The following ARL15 variants were observed in gnomAD, a reference collection of about 807,000 sequenced individuals.
The protein encoded by ARL15 is ADP-ribosylation factor-like protein 15.
Under a neutral mutation model 25.2 loss-of-function variants are expected in ARL15, and 19 were observed. The observed-to-expected ratio is 0.75, with a 90% CI of 0.53 to 1.10. The LOEUF is 1.10. Ranked by LOEUF, ARL15 falls within the 50% of genes least tolerant of loss-of-function variation. ARL15 has a pLI of 0.00. For missense variants in ARL15, 220 were observed against 246.0 expected (o/e 0.89, Z 0.71); for synonymous variants, 94 against 86.8 (o/e 1.08, Z -0.46).
chr5:54,008,930 A>G (rs1158366985), intron 4 of ARL15, among the ~76,000 whole-genome samples: 1 of 152,202 alleles, frequency 6.6e-6, no homozygotes, highest in Admixed American at 6.5e-5. Flanking sequence ...GAGGTCCAAG[A>G]AACTATTTTA....
chr5:53,998,994 T>C (rs1006797565), intron 4 of ARL15, among the ~76,000 whole-genome samples: 1 of 152,084 alleles, frequency 6.6e-6, no homozygotes, highest in Non-Finnish European at 1.5e-5. Flanking sequence ...CATTGGTGCA[T>C]TCACATTAAG....
intron 1 of ARL15, among the ~76,000 whole-genome samples, chr5:54,196,307 CT>C (rs1282024478): frequency 2.6e-5 from 4 of 152,052 alleles, no homozygotes; most frequent in Admixed American, 2.6e-4. Context: ...TAGGCTGCAG[CT>C]TTTTCCACTA....
chr5:53,891,123 C>T (rs987651472), intron 4 of ARL15, among the ~76,000 whole-genome samples: 6 of 152,122 alleles, frequency 3.9e-5, no homozygotes, highest in African/African-American at 1.4e-4. Context: ...TAAAAATCTG[C>T]AAACTTCATT....
At chr5:53,934,630 T>C (rs996088298) in intron 4 of ARL15, among the ~76,000 whole-genome samples, 5 of 152,204 alleles carry the variant, frequency 3.3e-5, no homozygotes, top group Admixed American at 6.5e-5. Context: ...CATCTATTAA[T>C]AGAATAATGC....
chr5:54,119,145 A>G (rs1311972493), intron 3 of ARL15, among the ~76,000 whole-genome samples: 1 of 152,154 alleles, frequency 6.6e-6, no homozygotes, highest in East Asian at 1.9e-4. Context: ...GCACAGCTCC[A>G]GTTAAATTAC....
At chr5:54,211,719 G>T (rs976989994) in intron 1 of ARL15, among the ~76,000 whole-genome samples, 1 of 151,972 alleles carries the variant, frequency 6.6e-6, no homozygotes, top group Non-Finnish European at 1.5e-5. Flanking sequence ...TGATCCGACC[G>T]CCTCAGTCTC....
chr5:54,029,789 C>A (rs1000600453), intron 4 of ARL15, among the ~76,000 whole-genome samples: 13 of 151,994 alleles, frequency 8.6e-5, no homozygotes, highest in Admixed American at 8.5e-4. Flanking sequence ...GTCAGGAGAT[C>A]GAGACCATCC....
chr5:54,017,340 G>A (rs547467951), intron 4 of ARL15, among the ~76,000 whole-genome samples: 3 of 152,098 alleles, frequency 2.0e-5, no homozygotes, highest in African/African-American at 4.8e-5. Context: ...ATGTGCTTTG[G>A]TGTTTTCAGC....
At chr5:54,261,375 A>C (rs140291628) in intron 1 of ARL15, among the ~76,000 whole-genome samples, 1 of 152,186 alleles carries the variant, frequency 6.6e-6, no homozygotes, top group Non-Finnish European at 1.5e-5. Context: ...ACCCGGCTCA[A>C]ATATATTAAG....
At chr5:54,282,497 A>T (rs1758083319) in intron 1 of ARL15, 2 of 985,312 alleles carry the variant, frequency 2.0e-6, no homozygotes, top group Non-Finnish European at 2.4e-6. Context: ...TAGCTCAAAG[A>T]CAGGGATAAT....
chr5:54,083,564 C>G (rs1207750209), intron 4 of ARL15, among the ~76,000 whole-genome samples: 2 of 152,010 alleles, frequency 1.3e-5, no homozygotes, highest in Non-Finnish European at 2.9e-5. Context: ...GAAAATATCA[C>G]CAATTAACTA....
At chr5:54,008,983 T>C (rs1749141124) in intron 4 of ARL15, among the ~76,000 whole-genome samples, 1 of 152,178 alleles carries the variant, frequency 6.6e-6, no homozygotes, top group Non-Finnish European at 1.5e-5. Flanking sequence ...ATTTCTATGT[T>C]CATTATTTTA....
intron 1 of ARL15, among the ~76,000 whole-genome samples, chr5:54,262,893 C>G (rs963276654): frequency 6.6e-6 from 1 of 152,058 alleles, no homozygotes; most frequent in African/African-American, 2.4e-5. Context: ...GTTTGCCGGG[C>G]ACTGGCAACA....
At chr5:53,937,944 A>G (rs1746405547) in intron 4 of ARL15, among the ~76,000 whole-genome samples, 1 of 152,164 alleles carries the variant, frequency 6.6e-6, no homozygotes, top group South Asian at 2.1e-4. Context: ...ACTCTGGGGT[A>G]AACAATTTCC....
intron 3 of ARL15, among the ~76,000 whole-genome samples, chr5:54,143,686 C>T (rs756668307): frequency 2.0e-4 from 31 of 151,266 alleles, no homozygotes; most frequent in Non-Finnish European, 2.4e-4. Flanking sequence ...TTTGTCCTTA[C>T]AGTACATTTC....
At chr5:54,290,423 C>T (rs898568992) in intron 1 of ARL15, among the ~76,000 whole-genome samples, 3 of 151,762 alleles carry the variant, frequency 2.0e-5, no homozygotes, top group Non-Finnish European at 2.9e-5. Flanking sequence ...TCTCCTGCCT[C>T]AGCCTCCTGA....
chr5:54,236,183 A>G (rs1166987156), intron 1 of ARL15, among the ~76,000 whole-genome samples: 1 of 152,170 alleles, frequency 6.6e-6, no homozygotes, highest in African/African-American at 2.4e-5. Context: ...ACTCCTTCCA[A>G]CTGATAGTGT....
At chr5:53,951,149 A>G (rs1746937303) in intron 4 of ARL15, among the ~76,000 whole-genome samples, 1 of 152,244 alleles carries the variant, frequency 6.6e-6, no homozygotes, top group Non-Finnish European at 1.5e-5. Flanking sequence ...AGCAAGATTC[A>G]TTTGTTTATA....
chr5:54,015,907 G>C (rs144333455), intron 4 of ARL15, among the ~76,000 whole-genome samples: 1 of 152,106 alleles, frequency 6.6e-6, no homozygotes. Context: ...CAGGAAGAAG[G>C]CTGCTCTATT....
Sources: gnomAD v4.1 joint callset for allele counts (sites outside exome capture counted in the v4.1 genomes callset) on GRCh38, gnomAD v4.1.1 for gene constraint, MANE v1.5 for transcripts, NCBI Gene and HGNC (gene_info 2026-07-23, HGNC 2026-07-21) for gene names.